CADPS2: variants seen among roughly 807,000 people sequenced by gnomAD.
The protein encoded by CADPS2 is calcium-dependent secretion activator 2.
In CADPS2, 93 loss-of-function variants were observed where a neutral mutation model predicts 172.5. The ratio of observed to expected loss-of-function variants is 0.54; its 90% CI spans 0.46 to 0.64. CADPS2 has a LOEUF of 0.64. CADPS2 is among the 30% of genes least tolerant of loss of function. The pLI is 0.00. For synonymous variants in CADPS2, 546 were observed against 555.2 expected, an observed-to-expected ratio of 0.98 and a Z score of 0.23; for missense variants, 1,420 against 1,565.9, an observed-to-expected ratio of 0.91 and a Z score of 1.57.
intron 3 of CADPS2, among the ~76,000 whole-genome samples, chr7:122,636,608 G>A (rs1038267516): frequency 6.6e-6 from 1 of 151,772 alleles, no homozygotes; most frequent in African/African-American, 2.4e-5. Context: ...TGGGATTACA[G>A]GTGCACATCA....
At chr7:122,698,884 TTG>T (rs763030573) in intron 2 of CADPS2, 1 of 1,602,762 alleles carries the variant, frequency 6.2e-7, no homozygotes, top group Non-Finnish European at 8.5e-7. Context: ...AGAGGCAGTG[TTG>T]TTTCTCCAAG....
chr7:122,656,515 G>A (rs570152433), intron 3 of CADPS2, among the ~76,000 whole-genome samples: 2 of 152,278 alleles, frequency 1.3e-5, no homozygotes, highest in South Asian at 2.1e-4. Context: ...GAATATGGTA[G>A]TAGGAGGGAG....
intron 17 of CADPS2, among the ~76,000 whole-genome samples, chr7:122,417,483 T>G (rs975569281): frequency 3.9e-5 from 6 of 152,200 alleles, no homozygotes; most frequent in Non-Finnish European, 7.4e-5. Flanking sequence ...GAAGGCAGTA[T>G]GAGACACACT....
At chr7:122,750,935 G>A (rs1418286760) in intron 1 of CADPS2, among the ~76,000 whole-genome samples, 1 of 152,138 alleles carries the variant, frequency 6.6e-6, no homozygotes, top group African/African-American at 2.4e-5. Context: ...AGCTCAGTGA[G>A]TAGATTTAGA....
intron 1 of CADPS2, among the ~76,000 whole-genome samples, chr7:122,804,095 T>C (rs1292800014): frequency 1.3e-5 from 2 of 152,098 alleles, no homozygotes; most frequent in Non-Finnish European, 2.9e-5. Flanking sequence ...ACTGCTCTCT[T>C]ATCTCTGGTT....
chr7:122,563,502 A>T (rs1376663159), intron 7 of CADPS2, among the ~76,000 whole-genome samples: 2 of 152,150 alleles, frequency 1.3e-5, no homozygotes, highest in Admixed American at 1.3e-4. Context: ...TCTAGAGGCA[A>T]ATCACTTCAA....
chr7:122,863,705 G>C (rs1039495252), intron 1 of CADPS2, among the ~76,000 whole-genome samples: 3 of 152,204 alleles, frequency 2.0e-5, no homozygotes, highest in Non-Finnish European at 4.4e-5. Flanking sequence ...AACACCATTA[G>C]GAGGTTTTCA....
intron 8 of CADPS2, among the ~76,000 whole-genome samples, chr7:122,517,827 G>A (rs1243348162): frequency 6.6e-6 from 1 of 151,976 alleles, no homozygotes; most frequent in African/African-American, 2.4e-5. Flanking sequence ...TGGAGGGAAT[G>A]AGGAAAATGG....
At chr7:122,398,923 C>G (rs1486651571) in intron 20 of CADPS2, among the ~76,000 whole-genome samples, 1 of 152,024 alleles carries the variant, frequency 6.6e-6, no homozygotes. Context: ...CCAAGAACAT[C>G]CCATTTAAGT....
chr7:122,362,669 G>T (rs1047871002), intron 25 of CADPS2, among the ~76,000 whole-genome samples: 1 of 152,144 alleles, frequency 6.6e-6, no homozygotes, highest in Non-Finnish European at 1.5e-5. Context: ...AAGGGAAAAT[G>T]CTGACAAGGT....
At chr7:122,745,629 C>T (rs1265380829) in intron 1 of CADPS2, among the ~76,000 whole-genome samples, 1 of 148,840 alleles carries the variant, frequency 6.7e-6, no homozygotes, top group African/African-American at 2.5e-5. Flanking sequence ...TATCCTAAAG[C>T]CGCTTTTGTT....
intron 3 of CADPS2, among the ~76,000 whole-genome samples, chr7:122,652,798 A>C (rs2079309828): frequency 1.3e-5 from 2 of 151,620 alleles, no homozygotes; most frequent in African/African-American, 4.8e-5. Context: ...TGCTACTTAC[A>C]TTGTTTTTAT....
At chr7:122,504,370 T>C (rs1402244917) in intron 9 of CADPS2, among the ~76,000 whole-genome samples, 1 of 151,218 alleles carries the variant, frequency 6.6e-6, no homozygotes, top group African/African-American at 2.5e-5. Context: ...AATTGTTTCA[T>C]GTTGGGTACA....
intron 27 of CADPS2, among the ~76,000 whole-genome samples, chr7:122,355,163 C>T (rs960920034): frequency 3.3e-5 from 5 of 152,118 alleles, no homozygotes; most frequent in African/African-American, 1.2e-4. Flanking sequence ...TTCAACTGTG[C>T]TATAATTATA....
At chr7:122,329,296 A>G (rs1350393997) in intron 28 of CADPS2, among the ~76,000 whole-genome samples, 1 of 152,204 alleles carries the variant, frequency 6.6e-6, no homozygotes, top group East Asian at 1.9e-4. Context: ...GCACTGCTAC[A>G]GGCCCTGAAA....
intron 6 of CADPS2, among the ~76,000 whole-genome samples, chr7:122,582,221 A>G (rs1156508597): frequency 6.6e-6 from 1 of 152,068 alleles, no homozygotes; most frequent in Non-Finnish European, 1.5e-5. Context: ...AAAACAATTC[A>G]CCATTTTCAC....
chr7:122,774,332 CAAAA>C (rs1171393239), intron 1 of CADPS2, among the ~76,000 whole-genome samples: 1 of 149,602 alleles, frequency 6.7e-6, no homozygotes, highest in Non-Finnish European at 1.5e-5. Flanking sequence ...AAAGAACTGA[CAAAA>C]AAGTCATCTC....
chr7:122,484,769 C>G (rs1407900678), intron 11 of CADPS2, among the ~76,000 whole-genome samples: 1 of 151,532 alleles, frequency 6.6e-6, no homozygotes, highest in Non-Finnish European at 1.5e-5. Context: ...CATCTTGTAT[C>G]CAGAACACAC....
At chr7:122,431,514 G>C (rs1193736974) in intron 17 of CADPS2, among the ~76,000 whole-genome samples, 1 of 152,100 alleles carries the variant, frequency 6.6e-6, no homozygotes, top group African/African-American at 2.4e-5. Flanking sequence ...TAAACAAAAA[G>C]ATTTTAGCCC....
Sources: allele counts gnomAD v4.1 joint callset (sites outside exome capture counted in the v4.1 genomes callset), GRCh38; gene constraint gnomAD v4.1.1; transcripts MANE v1.5; gene names NCBI Gene and HGNC (gene_info 2026-07-23, HGNC 2026-07-21).